The following CTNNAL1 variants were observed in gnomAD, a reference collection of about 807,000 sequenced individuals.
CTNNAL1 encodes alpha-catulin.
CTNNAL1 carries 69 observed loss-of-function variants against 93.6 expected under a neutral mutation model. The observed-to-expected ratio is 0.74, with a 90% CI of 0.61 to 0.90. The LOEUF (loss-of-function observed/expected upper bound fraction) is 0.90. CTNNAL1 is among the 40% of genes least tolerant of loss of function. CTNNAL1 has a pLI of 0.00. For missense variants in CTNNAL1, 836 were observed against 862.0 expected (o/e 0.97, Z 0.38); for synonymous variants, 286 against 305.4 (o/e 0.94, Z 0.66).
At chr9:108,991,093 A>T (rs28361116) in intron 3 of CTNNAL1, among the ~76,000 whole-genome samples, 1 of 152,246 alleles carries the variant, frequency 6.6e-6, no homozygotes, top group Admixed American at 6.5e-5. Flanking sequence ...AAGGAAAAAG[A>T]ATAAAAGAAA....
intron 7 of CTNNAL1, 67 bp downstream of exon 7, chr9:108,979,214 T>C (rs1831350116): frequency 3.8e-6 from 6 of 1,577,488 alleles, no homozygotes; most frequent in Non-Finnish European, 5.2e-6. Context: ...GTAACTTCCA[T>C]ATCTTGCAAA....
In CTNNAL1 at chr9:108,970,462, T is replaced by C; in HGVS notation, c.1380A>G (p.Thr460=). ...GTATACAGGTTATTTCCAGAGGTTC[T>C]GTCCCAGATATGTGTCGTAACAATC... is the stretch of plus-strand genomic sequence containing the variant. ...TCRLLRHISG[T]EPLEITCIHA... Residue 460 remains threonine, a synonymous_variant, in exon 10 of 19, where the codon ACA becomes ACG. Coordinates refer to ENST00000325551, the MANE Select transcript of CTNNAL1 (RefSeq NM_003798.4). 1.2e-6 allele frequency: 2 copies of C among 1,612,422 alleles called. No homozygotes were observed. Among genetic ancestry groups the C allele is most frequent in the Non-Finnish European group, 1.7e-6 (2 of 1,179,334 alleles).
In CTNNAL1 at chr9:108,983,141, T is replaced by G. The variant is rs759268277; in HGVS notation, c.900+4A>C. On this transcript the variant is annotated splice_donor_region_variant and intron_variant, in intron 6 of 18. Coordinates refer to ENST00000325551, the MANE Select transcript of CTNNAL1 (RefSeq NM_003798.4). Reference sequence around the variant, plus strand: ...AAATAAAAATATACTCTCTTTATTCTTACCTTGAATTCCTTAATTCCAGTA... The same window carrying G: ...AAATAAAAATATACTCTCTTTATTCGTACCTTGAATTCCTTAATTCCAGTA... 1 of 1,499,218 alleles carries G rather than the reference T, an allele frequency of 6.7e-7. No individual in the cohort carries two copies. Among genetic ancestry groups the G allele is most frequent in the Non-Finnish European group, 8.9e-7 (1 of 1,127,354 alleles). The allele number at this position is 1,499,218 out of a possible 1,614,324, so 92.9% of individuals were successfully genotyped here. A position where few individuals can be genotyped will look rare whatever the true frequency, so the allele number is the denominator to read the frequency against.
At chr9:108,986,826 C>G (rs1464828871) in intron 4 of CTNNAL1, among the ~76,000 whole-genome samples, 1 of 152,174 alleles carries the variant, frequency 6.6e-6, no homozygotes, top group Non-Finnish European at 1.5e-5. Flanking sequence ...TAAATGTCTT[C>G]TTTTGAGAAG....
At chr9:108,959,582 T>TATA (rs140726193) in intron 11 of CTNNAL1, among the ~76,000 whole-genome samples, 2 of 151,864 alleles carry the variant, frequency 1.3e-5, no homozygotes, top group Admixed American at 1.3e-4. Context: ...GTCTCCAAAA[T>TATA]ATAATAATAA....
intron 1 of CTNNAL1, among the ~76,000 whole-genome samples, chr9:109,004,433 G>A (rs773390926): frequency 6.6e-6 from 1 of 152,190 alleles, no homozygotes; most frequent in African/African-American, 2.4e-5. Flanking sequence ...CAGATATTCT[G>A]ACTGCAGAGA....
intron 15 of CTNNAL1, among the ~76,000 whole-genome samples, chr9:108,945,295 C>T (rs1830367663): frequency 5.3e-5 from 8 of 152,176 alleles, no homozygotes; most frequent in Admixed American, 5.2e-4. Flanking sequence ...CTACACACAT[C>T]ATCCCATAAA....
At chr9:108,961,731 T>C (rs1830825339) in intron 11 of CTNNAL1, among the ~76,000 whole-genome samples, 2 of 152,190 alleles carry the variant, frequency 1.3e-5, no homozygotes, top group South Asian at 4.1e-4. Context: ...TTTACATCCA[T>C]TGAAATAAAG....
chr9:108,966,855 C>A (rs1449190630), intron 10 of CTNNAL1, among the ~76,000 whole-genome samples: 1 of 152,146 alleles, frequency 6.6e-6, no homozygotes, highest in Admixed American at 6.6e-5. Context: ...CACCTCCTGA[C>A]CTGACATTCA....
At chr9:109,002,535 G>A (rs1005479379) in intron 1 of CTNNAL1, among the ~76,000 whole-genome samples, 5 of 152,164 alleles carry the variant, frequency 3.3e-5, no homozygotes, top group East Asian at 3.9e-4. Flanking sequence ...AATATATACC[G>A]ATGAACTGGG....
chr9:108,945,201 T>C (rs1190335668), intron 15 of CTNNAL1, among the ~76,000 whole-genome samples: 10 of 152,174 alleles, frequency 6.6e-5, no homozygotes, highest in African/African-American at 2.4e-4. Context: ...CCATGGGAGA[T>C]TGGTTCCCAG....
At chr9:108,966,991 G>C (rs527455893) in intron 10 of CTNNAL1, among the ~76,000 whole-genome samples, 1 of 152,264 alleles carries the variant, frequency 6.6e-6, no homozygotes, top group Admixed American at 6.5e-5. Flanking sequence ...TAGGAATTCA[G>C]AGTTCAGTCT....
intron 7 of CTNNAL1, 73 bp from the exon 8 acceptor site, chr9:108,977,121 C>G (rs1336137195): frequency 1.4e-5 from 9 of 642,786 alleles, no homozygotes; most frequent in Non-Finnish European, 2.0e-5. Context: ...TTTGTTTGGA[C>G]TGTAAATTGT....
intron 11 of CTNNAL1, among the ~76,000 whole-genome samples, chr9:108,960,584 C>T (rs1478460617): frequency 6.6e-6 from 1 of 152,190 alleles, no homozygotes; most frequent in African/African-American, 2.4e-5. Context: ...GTGATCATAA[C>T]TGCCCTACAT....
In CTNNAL1 at chr9:108,943,690, A is replaced by G. The variant is rs544431140; in HGVS notation, c.2055+13T>C. On this transcript the variant is annotated intron_variant, in intron 17 of 18. Coordinates refer to ENST00000325551, the MANE Select transcript of CTNNAL1 (RefSeq NM_003798.4). The stretch of plus-strand genomic sequence containing the variant: ...AGATAGATGTGTGAAAGTTTTTCAT[A>G]TGTCTCTTTTACCTTTAGAAATACT... 4.4e-6 allele frequency: 7 copies of G among 1,597,028 alleles called. No individual in the cohort carries two copies. In the African/African-American group the frequency reaches 5.4e-5, roughly 12 times the overall value.
In CTNNAL1 at chr9:108,943,802, G is replaced by A; in HGVS notation, c.1956C>T (p.Asp652=). 5 of 1,613,406 alleles carry A rather than the reference G, an allele frequency of 3.1e-6. No individual in the cohort carries two copies. In the Middle Eastern group the frequency reaches 6.6e-4, roughly 213 times the overall value. Reference sequence around the variant, plus strand: ...TTATTTCCAGGAGAAGCATAAGCTTGTCATCGTCTTTCAGCTGAAATGTAA... The same window carrying A: ...TTATTTCCAGGAGAAGCATAAGCTTATCATCGTCTTTCAGCTGAAATGTAA... The part of the protein sequence containing the change: ...QAFSKQLKDD[D]KLMLLLEINK... The change falls in exon 17 of 19, where the codon GAC becomes GAT. Residue 652 remains aspartate (D), a synonymous_variant. Transcript: ENST00000325551.
intron 17 of CTNNAL1, 137 bp from the exon 18 acceptor site, chr9:108,943,181 C>T (rs1050126587): frequency 3.8e-6 from 3 of 779,942 alleles, no homozygotes; most frequent in African/African-American, 3.5e-5. Context: ...GATTTAGGCA[C>T]ATGAGCTGAC....
chr9:108,960,213 C>T (rs988656070), intron 11 of CTNNAL1, among the ~76,000 whole-genome samples: 1 of 152,120 alleles, frequency 6.6e-6, no homozygotes, highest in African/African-American at 2.4e-5. Context: ...CTAATCTAAA[C>T]CCAGCTATCA....
At chr9:108,953,498 GCA>G (rs1830617231) in intron 12 of CTNNAL1, among the ~76,000 whole-genome samples, 2 of 149,642 alleles carry the variant, frequency 1.3e-5, no homozygotes, top group South Asian at 2.1e-4. Context: ...TCACATACCT[GCA>G]CACACAGTAT....
Sources: allele counts gnomAD v4.1 joint callset (sites outside exome capture counted in the v4.1 genomes callset), GRCh38; gene constraint gnomAD v4.1.1; transcripts MANE v1.5; gene names NCBI Gene and HGNC (gene_info 2026-07-23, HGNC 2026-07-21).